RASGRF1: variants seen among roughly 807,000 people sequenced by gnomAD.
RASGRF1 encodes Ras protein specific guanine nucleotide releasing factor 1, also known as ras-specific guanine nucleotide-releasing factor 1.
RASGRF1 carries 40 observed loss-of-function variants against 138.7 expected under a neutral mutation model. That is an observed-to-expected ratio of 0.29 (90% confidence interval 0.22 to 0.38). The LOEUF is 0.38. RASGRF1 is among the 10% of genes least tolerant of loss of function. The probability of loss-of-function intolerance (pLI) is 1.00; values close to 1 mark genes in which losing one functional copy is unlikely to be tolerated. For missense variants in RASGRF1, 1,108 were observed against 1,650.4 expected, an observed-to-expected ratio of 0.67 and a Z score of 5.69; for synonymous variants, 614 against 663.2, an observed-to-expected ratio of 0.93 and a Z score of 1.14.
chr15:79,054,851 G>C (rs892301197), intron 3 of RASGRF1, among the ~76,000 whole-genome samples: 2 of 152,234 alleles, frequency 1.3e-5, no homozygotes, highest in Non-Finnish European at 2.9e-5. Context: ...CATGAGAAGT[G>C]CAGTGATAGA....
At chr15:79,056,713 T>G (rs912751100) in intron 3 of RASGRF1, among the ~76,000 whole-genome samples, 2 of 152,154 alleles carry the variant, frequency 1.3e-5, no homozygotes, top group African/African-American at 4.8e-5. Context: ...TTGTTGACCT[T>G]GAGGTTGCAA....
chr15:79,006,946 A>C lies in RASGRF1; in HGVS notation c.1827-512T>G, dbSNP rs781306512. Among the ~76,000 whole-genome samples the C allele has an allele frequency of 1.3e-5, 2 of 152,130 alleles. No homozygotes were observed. The highest frequency in any genetic ancestry group is 2.9e-5 in the Non-Finnish European group (2 of 68,030). ...AGAATCGCTTGAACCCTGGAGATGG[A>C]GGTTGCAGTGAGCCGAGACTGTGAC... On this transcript the variant is annotated intron_variant, in intron 13 of 26. Transcript: ENST00000558480. The surrounding 1 kb of genome is among the most constrained non-coding windows in gnomAD (Gnocchi z 4.0).
chr15:79,019,428 C>T (rs1026972990), intron 11 of RASGRF1, among the ~76,000 whole-genome samples: 3 of 152,172 alleles, frequency 2.0e-5, no homozygotes, highest in East Asian at 1.9e-4. Context: ...CTCTGCCCTC[C>T]GCACACTTCC....
In RASGRF1 at chr15:78,998,132, A is replaced by G; in HGVS notation, c.2930T>C (p.Leu977Pro). 6.2e-7 allele frequency: 1 copy of G among 1,614,134 alleles called. No homozygotes were observed. Among genetic ancestry groups the G allele is most frequent in the Non-Finnish European group, 8.5e-7 (1 of 1,179,974 alleles). The change falls in exon 19 of 27, where the codon CTG (leucine) becomes CCG (proline). Residue 977 changes from leucine to proline, a missense_variant. Physicochemically the swap from Leu to Pro is moderately conservative, Grantham distance 98. Transcript: ENST00000558480. ...LEEVMHDPELLTQERKAAANI... is the reference protein window; with the variant it reads ...LEEVMHDPELPTQERKAAANI... ...GGCTGCAGCCTTCCGCTCCTGGGTC[A>G]GGAGCTCCGGGTCGTGCATGACTTC...
chr15:79,079,614 G>T (rs2057887589), intron 1 of RASGRF1, among the ~76,000 whole-genome samples: 1 of 152,068 alleles, frequency 6.6e-6, no homozygotes, highest in African/African-American at 2.4e-5. Flanking sequence ...ATACATGCAT[G>T]CATATAGACA....
At chr15:79,004,320 C>A in intron 14 of RASGRF1, 145 bp from the exon 15 acceptor site, 1 of 1,121,962 alleles carries the variant, frequency 8.9e-7, no homozygotes, top group Non-Finnish European at 1.2e-6. Context: ...TGAGCTGATC[C>A]TCTGAGCAGG....
At position 79,090,552 on chromosome 15, in the gene RASGRF1, C is replaced by A. The variant is rs1373635457; in HGVS notation, c.-54G>T. ...CGCTTACATCTTCTCCGCGCAGCAG[C>A]CCCCCGTCCGTGCGCGCTGCGCGCT... On this transcript the variant is annotated 5_prime_UTR_variant, in exon 1 of 27. Transcript: ENST00000558480. 4.4e-6 allele frequency: 7 copies of A among 1,581,130 alleles called. No individual in the cohort carries two copies. The highest frequency in any genetic ancestry group is 1.3e-5 in the African/African-American group (1 of 74,334).
intron 23 of RASGRF1, 73 bp from the exon 24 acceptor site, chr15:78,980,772 C>G: frequency 8.5e-7 from 1 of 1,174,494 alleles, no homozygotes; most frequent in Non-Finnish European, 1.2e-6. Context: ...ATCAGGCCCA[C>G]ACTCCAACAT....
At chr15:79,063,435 C>A (rs1456043851) in intron 2 of RASGRF1, among the ~76,000 whole-genome samples, 1 of 152,190 alleles carries the variant, frequency 6.6e-6, no homozygotes, top group East Asian at 1.9e-4. Flanking sequence ...ATATGTCCAT[C>A]ATCCACACAT....
At chr15:78,966,713 A>G (rs1481384315) in intron 26 of RASGRF1, among the ~76,000 whole-genome samples, 2 of 152,226 alleles carry the variant, frequency 1.3e-5, no homozygotes, top group East Asian at 3.9e-4. Context: ...CTTCTCAGCC[A>G]CCAGGCCTGG....
chr15:78,993,080 G>A (rs571781333), intron 20 of RASGRF1, among the ~76,000 whole-genome samples: 78 of 146,160 alleles, frequency 5.3e-4, no homozygotes, highest in Middle Eastern at 3.6e-3. Context: ...TGTGTGGTGT[G>A]TGGGTGGTGT....
intron 9 of RASGRF1, among the ~76,000 whole-genome samples, chr15:79,026,426 G>A (rs1454605039): frequency 6.6e-6 from 1 of 152,134 alleles, no homozygotes; most frequent in Non-Finnish European, 1.5e-5. Context: ...TCCTGCATCA[G>A]GGAGATCCAC....
intron 26 of RASGRF1, among the ~76,000 whole-genome samples, chr15:78,963,954 C>A (rs1015671194): frequency 9.2e-5 from 14 of 152,200 alleles, no homozygotes; most frequent in African/African-American, 2.6e-4. Flanking sequence ...CCCTGGGGAT[C>A]AGGAAACTGA....
intron 23 of RASGRF1, among the ~76,000 whole-genome samples, chr15:78,983,629 C>A (rs980115048): frequency 6.6e-6 from 1 of 152,196 alleles, no homozygotes. Flanking sequence ...TTGGAATGGG[C>A]CCCCAGACTG....
chr15:79,040,703 A>AAAATTTT (rs1257108519), intron 5 of RASGRF1, among the ~76,000 whole-genome samples: 1 of 151,900 alleles, frequency 6.6e-6, no homozygotes, highest in African/African-American at 2.4e-5. Flanking sequence ...TTTAAAATCA[A>AAAATTTT]GTTTTGGTAA....
At chr15:79,070,083 CG>C in intron 1 of RASGRF1, among the ~76,000 whole-genome samples, 1 of 152,230 alleles carries the variant, frequency 6.6e-6, no homozygotes, top group African/African-American at 2.4e-5. Context: ...GAGTAATGTT[CG>C]GGGTGCCTTG....
intron 1 of RASGRF1, among the ~76,000 whole-genome samples, chr15:79,067,556 C>A (rs2057696129): frequency 6.6e-6 from 1 of 152,206 alleles, no homozygotes; most frequent in Non-Finnish European, 1.5e-5. Flanking sequence ...AATATAAGTG[C>A]CTCGAATGAC....
chr15:79,002,941 CGT>C (rs2056568757), intron 15 of RASGRF1, among the ~76,000 whole-genome samples: 1 of 152,238 alleles, frequency 6.6e-6, no homozygotes, highest in Admixed American at 6.5e-5. Flanking sequence ...TGGGTGCGTG[CGT>C]GTGTGCACGT....
At chr15:79,018,053 T>G (rs979547631) in intron 11 of RASGRF1, 147 bp from the exon 12 acceptor site, 15 of 1,053,090 alleles carry the variant, frequency 1.4e-5, no homozygotes, top group East Asian at 8.3e-5. Flanking sequence ...CAGAATATTA[T>G]TTTCCTAAGT....
Sources: gnomAD v4.1 joint callset for allele counts (sites outside exome capture counted in the v4.1 genomes callset) on GRCh38, gnomAD v4.1.1 for gene constraint, Gnocchi (gnomAD v3.1) non-coding constraint, MANE v1.5 for transcripts, NCBI Gene and HGNC (gene_info 2026-07-23, HGNC 2026-07-21) for gene names.